SGCZ: variants seen among roughly 807,000 people sequenced by gnomAD.
SGCZ encodes sarcoglycan zeta, also known as zeta-sarcoglycan.
Under a neutral mutation model 41.3 loss-of-function variants are expected in SGCZ, and 40 were observed. The observed-to-expected ratio is 0.97, with a 90% confidence interval of 0.75 to 1.26. The LOEUF (loss-of-function observed/expected upper bound fraction) is 1.26. SGCZ is among the 50% of genes most tolerant of loss of function. The pLI is 0.00. For synonymous variants in SGCZ, 206 were observed against 137.5 expected (o/e 1.50, Z -3.49); for missense variants, 552 against 369.8 (o/e 1.49, Z -4.04).
chr8:14,528,287 A>T (rs1803014893), intron 2 of SGCZ, among the ~76,000 whole-genome samples: 1 of 152,152 alleles, frequency 6.6e-6, no homozygotes, highest in Non-Finnish European at 1.5e-5. Flanking sequence ...TTACACATGA[A>T]TTATACCATC....
chr8:14,161,826 C>T (rs1358686793), intron 5 of SGCZ, among the ~76,000 whole-genome samples: 2 of 151,918 alleles, frequency 1.3e-5, no homozygotes, highest in Admixed American at 6.6e-5. Context: ...AAGAGAGAGC[C>T]AGTGTGAAAC....
intron 2 of SGCZ, among the ~76,000 whole-genome samples, chr8:14,463,324 C>T (rs1161158475): frequency 6.8e-6 from 1 of 147,244 alleles, no homozygotes; most frequent in Non-Finnish European, 1.5e-5. Flanking sequence ...TATAAAGATA[C>T]AGTAATCAAT....
intron 3 of SGCZ, among the ~76,000 whole-genome samples, chr8:14,245,297 T>C (rs571171302): frequency 6.6e-6 from 1 of 152,274 alleles, no homozygotes; most frequent in African/African-American, 2.4e-5. Context: ...GCCGCATATC[T>C]ACAACTATCT....
At chr8:14,275,838 T>A (rs889749847) in intron 3 of SGCZ, among the ~76,000 whole-genome samples, 2 of 152,096 alleles carry the variant, frequency 1.3e-5, no homozygotes, top group Admixed American at 6.6e-5. Flanking sequence ...CCTGTAGGAG[T>A]TACTTTACCC....
chr8:15,016,560 C>T (rs558098555), intron 1 of SGCZ, among the ~76,000 whole-genome samples: 17 of 152,292 alleles, frequency 1.1e-4, no homozygotes, highest in South Asian at 6.2e-4. Context: ...TTATCGCAGA[C>T]GCTCATTGAA....
chr8:14,393,532 T>G (rs1430187930), intron 2 of SGCZ, among the ~76,000 whole-genome samples: 1 of 152,176 alleles, frequency 6.6e-6, no homozygotes, highest in Admixed American at 6.5e-5. Flanking sequence ...CTAACCAACC[T>G]GTGAGCCCTA....
chr8:14,144,164 G>C (rs77714551), intron 5 of SGCZ, among the ~76,000 whole-genome samples: 5,861 of 152,218 alleles, frequency 0.039, 352 homozygotes, highest in African/African-American at 0.13. Flanking sequence ...GGACAGCCAA[G>C]GTAATACTGG....
At chr8:14,705,022 G>C (rs779015417) in intron 1 of SGCZ, among the ~76,000 whole-genome samples, 3 of 151,902 alleles carry the variant, frequency 2.0e-5, no homozygotes, top group Non-Finnish European at 4.4e-5. Context: ...GATATTAATA[G>C]CCACCAAACC....
intron 7 of SGCZ, among the ~76,000 whole-genome samples, chr8:14,093,524 C>A (rs936450099): frequency 2.0e-5 from 3 of 152,020 alleles, no homozygotes; most frequent in African/African-American, 7.2e-5. Flanking sequence ...GCACTATGGC[C>A]TCATAGTATT....
chr8:14,906,178 C>T (rs1228909566), intron 1 of SGCZ, among the ~76,000 whole-genome samples: 1 of 152,120 alleles, frequency 6.6e-6, no homozygotes, highest in Non-Finnish European at 1.5e-5. Context: ...AGGACACATA[C>T]TGCAGGAGCT....
chr8:14,670,466 A>G (rs1046396411), intron 1 of SGCZ, among the ~76,000 whole-genome samples: 3 of 152,196 alleles, frequency 2.0e-5, no homozygotes, highest in African/African-American at 7.2e-5. Flanking sequence ...TTGTGTTTGC[A>G]AGAACAAAGT....
At chr8:14,583,549 C>T (rs189878365) in intron 1 of SGCZ, among the ~76,000 whole-genome samples, 4 of 152,098 alleles carry the variant, frequency 2.6e-5, no homozygotes, top group South Asian at 2.1e-4. Context: ...GTTGCCATTG[C>T]TTTTGATGTT....
chr8:14,258,940 G>T (rs1458575371), intron 3 of SGCZ, among the ~76,000 whole-genome samples: 1 of 152,148 alleles, frequency 6.6e-6, no homozygotes, highest in Non-Finnish European at 1.5e-5. Flanking sequence ...GGCAAAGGCA[G>T]AGAGCAGGTT....
chr8:14,496,730 A>T (rs1381415), intron 2 of SGCZ, among the ~76,000 whole-genome samples: 152,105 of 152,228 alleles, frequency 1, 75,991 homozygotes, highest in Non-Finnish European at 1. Flanking sequence ...CCTTTTCCCT[A>T]GCCATAGACA....
chr8:15,035,121 C>T (rs909689522), intron 1 of SGCZ, among the ~76,000 whole-genome samples: 1 of 152,036 alleles, frequency 6.6e-6, no homozygotes, highest in Non-Finnish European at 1.5e-5. Flanking sequence ...AATGACAAAA[C>T]TATTAATGAT....
intron 1 of SGCZ, among the ~76,000 whole-genome samples, chr8:15,132,477 T>G (rs1324207229): frequency 6.6e-6 from 1 of 152,198 alleles, no homozygotes; most frequent in East Asian, 1.9e-4. Flanking sequence ...AATAGATGCA[T>G]GCATGAAAAC....
chr8:15,221,836 G>T (rs1459564103), intron 1 of SGCZ, among the ~76,000 whole-genome samples: 1 of 152,110 alleles, frequency 6.6e-6, no homozygotes, highest in African/African-American at 2.4e-5. Flanking sequence ...ATTTCGTTTT[G>T]TTCAGAAGTT....
chr8:14,867,359 G>A (rs561376992), intron 1 of SGCZ, among the ~76,000 whole-genome samples: 26 of 152,082 alleles, frequency 1.7e-4, no homozygotes, highest in African/African-American at 6.3e-4. Context: ...TCACTGTTGG[G>A]CATTTAGGTT....
At chr8:14,176,313 C>T (rs1804540060) in intron 4 of SGCZ, among the ~76,000 whole-genome samples, 2 of 152,090 alleles carry the variant, frequency 1.3e-5, no homozygotes, top group African/African-American at 2.4e-5. Flanking sequence ...AATTACAAAA[C>T]TTTTTATCTG....
Sources: gnomAD v4.1 joint callset for allele counts (sites outside exome capture counted in the v4.1 genomes callset) on GRCh38, gnomAD v4.1.1 for gene constraint, MANE v1.5 for transcripts, NCBI Gene and HGNC (gene_info 2026-07-23, HGNC 2026-07-21) for gene names.